The following DSE variants were observed in gnomAD, a reference collection of about 807,000 sequenced individuals.
DSE encodes dermatan sulfate epimerase.
Under a neutral mutation model 84.4 loss-of-function variants are expected in DSE, and 36 were observed. That is an observed-to-expected ratio of 0.43 (90% CI 0.33 to 0.56). The LOEUF is 0.56. Among genes scored for constraint, DSE ranks in the 20% least tolerant of loss-of-function variants. The pLI is 0.06. For synonymous variants in DSE, 410 were observed against 430.1 expected (o/e 0.95, Z 0.58); for missense variants, 862 against 1,169.6 (o/e 0.74, Z 3.84).
chr6:116,261,838 C>A (rs1772427549), intron 2 of DSE, among the ~76,000 whole-genome samples: 1 of 152,212 alleles, frequency 6.6e-6, no homozygotes, highest in Non-Finnish European at 1.5e-5. Flanking sequence ...GCCTTTTCTG[C>A]ATCTATTGAT....
chr6:116,340,727 G>C (rs895937537), intron 2 of DSE, among the ~76,000 whole-genome samples: 2 of 152,004 alleles, frequency 1.3e-5, no homozygotes, highest in African/African-American at 4.8e-5. Context: ...CTTTGAGTGA[G>C]AACATGTGGT....
intron 5 of DSE, among the ~76,000 whole-genome samples, chr6:116,434,600 C>G (rs1340226743): frequency 1.3e-5 from 2 of 152,114 alleles, no homozygotes; most frequent in African/African-American, 4.8e-5. Flanking sequence ...CAGATTAATG[C>G]TAAGTCTAAC....
chr6:116,343,163 G>C (rs1777720081), intron 2 of DSE, among the ~76,000 whole-genome samples: 1 of 152,244 alleles, frequency 6.6e-6, no homozygotes, highest in African/African-American at 2.4e-5. Flanking sequence ...AAACTGGGCA[G>C]AGCCCACTGC....
intron 2 of DSE, among the ~76,000 whole-genome samples, chr6:116,420,836 A>G (rs551200234): frequency 6.6e-6 from 1 of 152,330 alleles, no homozygotes; most frequent in East Asian, 1.9e-4. Context: ...ATAGATAGCA[A>G]CATTGTTTTT....
chr6:116,336,426 T>A (rs1373768078), intron 2 of DSE, among the ~76,000 whole-genome samples: 2 of 152,132 alleles, frequency 1.3e-5, no homozygotes, highest in Non-Finnish European at 2.9e-5. Flanking sequence ...CCTACCTGAG[T>A]GATACATGGT....
intron 1 of DSE, among the ~76,000 whole-genome samples, chr6:116,383,438 A>C (rs1185915363): frequency 1.3e-5 from 2 of 152,180 alleles, no homozygotes; most frequent in Non-Finnish European, 2.9e-5. Flanking sequence ...AGGAGATGCC[A>C]AGAATGGGGC....
intron 1 of DSE, among the ~76,000 whole-genome samples, chr6:116,371,479 C>G (rs530601491): frequency 5.1e-4 from 77 of 152,370 alleles, no homozygotes; most frequent in Admixed American, 3.1e-3. Flanking sequence ...GCGATTTCCT[C>G]GACGGTCCTT....
At chr6:116,319,264 A>C (rs1003792108) in intron 2 of DSE, among the ~76,000 whole-genome samples, 1 of 152,232 alleles carries the variant, frequency 6.6e-6, no homozygotes, top group Non-Finnish European at 1.5e-5. Flanking sequence ...TGTAGTAACA[A>C]ACCAACCTTT....
intron 2 of DSE, among the ~76,000 whole-genome samples, chr6:116,415,326 G>A (rs1782628631): frequency 6.6e-6 from 1 of 152,138 alleles, no homozygotes; most frequent in Non-Finnish European, 1.5e-5. Context: ...TATTCCTGAT[G>A]CTTTGAATGA....
chr6:116,270,889 C>G (rs924405902), intron 2 of DSE, among the ~76,000 whole-genome samples: 1 of 152,276 alleles, frequency 6.6e-6, no homozygotes, highest in Non-Finnish European at 1.5e-5. Flanking sequence ...GGATAATACA[C>G]TTCTCTTTCC....
At chr6:116,260,332 T>A (rs1356145354) in intron 2 of DSE, among the ~76,000 whole-genome samples, 1 of 152,010 alleles carries the variant, frequency 6.6e-6, no homozygotes, top group Non-Finnish European at 1.5e-5. Context: ...TTTAATAGAG[T>A]TCTTTGTTTT....
At chr6:116,292,959 T>G (rs967039103) in intron 2 of DSE, among the ~76,000 whole-genome samples, 1 of 152,204 alleles carries the variant, frequency 6.6e-6, no homozygotes, top group South Asian at 2.1e-4. Flanking sequence ...AGTGGTGATC[T>G]CTGGGGGATG....
intron 1 of DSE, among the ~76,000 whole-genome samples, chr6:116,373,226 G>A (rs985704199): frequency 3.3e-5 from 5 of 152,156 alleles, no homozygotes; most frequent in African/African-American, 1.2e-4. Flanking sequence ...AGCTGGGCGT[G>A]GTGTCGCGCG....
intron 2 of DSE, among the ~76,000 whole-genome samples, chr6:116,360,383 G>A (rs1778824230): frequency 1.3e-5 from 2 of 152,198 alleles, no homozygotes; most frequent in South Asian, 4.2e-4. Flanking sequence ...ATATTTATCT[G>A]CATCTGCATC....
intron 2 of DSE, among the ~76,000 whole-genome samples, chr6:116,417,629 A>T (rs1009556079): frequency 1.5e-4 from 23 of 152,152 alleles, no homozygotes; most frequent in Admixed American, 4.6e-4. Flanking sequence ...AAATCCAGTG[A>T]TTTAATTAAT....
At chr6:116,279,240 T>C (rs779119723) in intron 2 of DSE, 7 of 1,608,810 alleles carry the variant, frequency 4.4e-6, no homozygotes, top group South Asian at 3.3e-5. Context: ...CTTCACCTTC[T>C]GGCGGCTGCT....
intron 2 of DSE, among the ~76,000 whole-genome samples, chr6:116,274,377 C>A (rs951749488): frequency 6.6e-6 from 1 of 152,030 alleles, no homozygotes; most frequent in South Asian, 2.1e-4. Flanking sequence ...GCGTGACCAA[C>A]ATGGAGAAAC....
rs763710796 is a variant in DSE, at chr6:116,444,579, A to G, written c.*7234A>G. 2 of 152,214 alleles carry G rather than the reference A, an allele frequency of 1.3e-5. No homozygotes were observed. The highest frequency in any genetic ancestry group is 4.8e-5 in the African/African-American group (2 of 41,468). 9.4% of individuals were successfully genotyped at this position (152,214 alleles called of 1,614,324 possible). A position where few individuals can be genotyped will look rare whatever the true frequency, so the allele number is the denominator to read the frequency against. ...GAATGTTTGCCTCCTCTCAAAATTA[A>G]TATGTTGAAACCTAATCCTTAATGT... On this transcript the variant is annotated 3_prime_UTR_variant, in exon 6 of 6. Coordinates refer to ENST00000644252, the MANE Select transcript of DSE (RefSeq NM_013352.4).
chr6:116,257,291 T>C (rs1456224098), intron 1 of DSE: 1 of 152,142 alleles, frequency 6.6e-6, no homozygotes, highest in Non-Finnish European at 1.5e-5. Flanking sequence ...AATAAAGTGG[T>C]TTATCCAAGA....
Sources: allele counts gnomAD v4.1 joint callset (sites outside exome capture counted in the v4.1 genomes callset), GRCh38; gene constraint gnomAD v4.1.1; transcripts MANE v1.5; gene names NCBI Gene and HGNC (gene_info 2026-07-23, HGNC 2026-07-21).